MSH3: variants seen among roughly 807,000 people sequenced by gnomAD.
MSH3 encodes the protein DNA mismatch repair protein Msh3.
Under a neutral mutation model 123.3 loss-of-function variants are expected in MSH3, and 106 were observed. The ratio of observed to expected loss-of-function variants is 0.86; its 90% confidence interval spans 0.73 to 1.01. MSH3 has a LOEUF of 1.01. Ranked by LOEUF, MSH3 falls within the 50% of genes least tolerant of loss-of-function variation. The probability of loss-of-function intolerance (pLI) is 0.00; values close to 1 mark genes in which losing one functional copy is unlikely to be tolerated. For missense variants in MSH3, 1,459 were observed against 1,347.6 expected (o/e 1.08, Z -1.29); for synonymous variants, 515 against 481.4 (o/e 1.07, Z -0.91).
intron 17 of MSH3, 101 bp from the exon 18 acceptor site, chr5:80,787,464 T>C: frequency 2.5e-6 from 2 of 799,742 alleles, no homozygotes; most frequent in East Asian, 5.0e-5. Flanking sequence ...TGATCATCTG[T>C]ATGCTTACAC....
chr5:80,699,793 C>T (rs1194596059), intron 8 of MSH3, among the ~76,000 whole-genome samples: 1 of 152,024 alleles, frequency 6.6e-6, no homozygotes, highest in Non-Finnish European at 1.5e-5. Context: ...CCTGACATTT[C>T]CATAGATATT....
At chr5:80,700,815 T>C (rs1750591910) in intron 8 of MSH3, among the ~76,000 whole-genome samples, 1 of 152,164 alleles carries the variant, frequency 6.6e-6, no homozygotes, top group South Asian at 2.1e-4. Flanking sequence ...TTATTGATAG[T>C]CGAATAGGAA....
chr5:80,784,194 A>G (rs1414251834), intron 17 of MSH3, among the ~76,000 whole-genome samples: 1 of 135,008 alleles, frequency 7.4e-6, no homozygotes, highest in Admixed American at 7.9e-5. Flanking sequence ...TCGGCGAAAG[A>G]GCGAGACTAC....
At chr5:80,819,714 T>A (rs1487917140) in intron 20 of MSH3, among the ~76,000 whole-genome samples, 2 of 152,082 alleles carry the variant, frequency 1.3e-5, no homozygotes, top group Non-Finnish European at 2.9e-5. Context: ...TTCAAACTCC[T>A]GACCTCAGGT....
intron 12 of MSH3, among the ~76,000 whole-genome samples, chr5:80,751,500 G>A (rs1236235998): frequency 6.6e-6 from 1 of 152,166 alleles, no homozygotes; most frequent in Non-Finnish European, 1.5e-5. Context: ...ATCCTTCTGA[G>A]GCCTATCAGG....
intron 22 of MSH3, among the ~76,000 whole-genome samples, chr5:80,868,320 T>A (rs563181155): frequency 6.6e-6 from 1 of 151,896 alleles, no homozygotes; most frequent in Non-Finnish European, 1.5e-5. Context: ...CATGCACACG[T>A]ATGTTCATTG....
intron 4 of MSH3, 110 bp downstream of exon 4, chr5:80,670,419 C>A: frequency 3.5e-6 from 4 of 1,132,200 alleles, no homozygotes; most frequent in South Asian, 2.7e-5. Flanking sequence ...TTTGATCAAT[C>A]ACCTTTTAAA....
In MSH3 at chr5:80,654,815, T is replaced by G. The variant is rs1749192322; in HGVS notation, c.88T>G (p.Ser30Ala). 6.2e-7 allele frequency: 1 copy of G among 1,606,230 alleles called. No homozygotes were observed. Residue 30 changes from serine to alanine, a missense_variant, in exon 1 of 24, where the codon TCT becomes GCT. Transcript: ENST00000265081. ...AGCGGTTTTGAGCCGATTCTTCCAG[T>G]CTACGGGAAGCCTGAAATCCACCTC... The part of the protein sequence containing the change: ...RQAVLSRFFQ[S>A]TGSLKSTSSS...
intron 3 of MSH3, among the ~76,000 whole-genome samples, chr5:80,668,210 G>C (rs1287018053): frequency 6.6e-6 from 1 of 152,290 alleles, no homozygotes; most frequent in East Asian, 1.9e-4. Context: ...GGATTTGTAT[G>C]GGCTTGAGAG....
intron 19 of MSH3, among the ~76,000 whole-genome samples, chr5:80,810,138 C>T (rs1744979892): frequency 1.6e-5 from 2 of 128,522 alleles, no homozygotes; most frequent in Admixed American, 1.5e-4. Flanking sequence ...ATTTATTATC[C>T]TTATGCATGG....
chr5:80,729,815 TC>T (rs1743379591), intron 10 of MSH3, among the ~76,000 whole-genome samples: 1 of 152,200 alleles, frequency 6.6e-6, no homozygotes, highest in Non-Finnish European at 1.5e-5. Context: ...CTTTTTATAT[TC>T]CGCCTTCACC....
At chr5:80,824,914 C>A (rs187005520) in intron 20 of MSH3, among the ~76,000 whole-genome samples, 1 of 152,282 alleles carries the variant, frequency 6.6e-6, no homozygotes, top group East Asian at 1.9e-4. Context: ...CTGGGACAGA[C>A]TGCCCTTTAG....
intron 20 of MSH3, among the ~76,000 whole-genome samples, chr5:80,822,648 T>C (rs528421392): frequency 1.1e-4 from 16 of 152,352 alleles, no homozygotes; most frequent in Non-Finnish European, 1.6e-4. Flanking sequence ...GTTGTTCTCA[T>C]TGAAAGAAGT....
chr5:80,846,207 CTT>C (rs1745717499), intron 20 of MSH3, among the ~76,000 whole-genome samples: 1 of 152,172 alleles, frequency 6.6e-6, no homozygotes, highest in African/African-American at 2.4e-5. Flanking sequence ...TCCAGACCCT[CTT>C]TGCCTGGGCA....
chr5:80,714,825 G>A (rs1008005978), intron 8 of MSH3, among the ~76,000 whole-genome samples: 3 of 152,140 alleles, frequency 2.0e-5, no homozygotes, highest in Non-Finnish European at 4.4e-5. Context: ...AAACTTTATT[G>A]CAGACTTCTA....
chr5:80,674,952 C>G (rs978126073), intron 6 of MSH3, 31 bp from the exon 7 acceptor site: 1 of 1,453,206 alleles, frequency 6.9e-7, no homozygotes, highest in African/African-American at 1.4e-5. Flanking sequence ...TAGAATTTAG[C>G]ATATAATTAT....
chr5:80,783,436 CTTT>C (rs147607110), intron 17 of MSH3, among the ~76,000 whole-genome samples: 1,627 of 152,278 alleles, frequency 0.011, 32 homozygotes, highest in African/African-American at 0.037. Context: ...AACAAGCCTT[CTTT>C]AAGAGTTATG....
intron 8 of MSH3, among the ~76,000 whole-genome samples, chr5:80,719,198 C>T (rs763911204): frequency 6.6e-6 from 1 of 152,052 alleles, no homozygotes; most frequent in Non-Finnish European, 1.5e-5. Context: ...CAGGCGCGTG[C>T]CACCACACCC....
At chr5:80,656,825 A>C (rs1749303365) in intron 2 of MSH3, among the ~76,000 whole-genome samples, 1 of 152,198 alleles carries the variant, frequency 6.6e-6, no homozygotes, top group Admixed American at 6.5e-5. Flanking sequence ...CAGAAATTTC[A>C]AACAGTACAG....
Sources: allele counts gnomAD v4.1 joint callset (sites outside exome capture counted in the v4.1 genomes callset), GRCh38; gene constraint gnomAD v4.1.1; transcripts MANE v1.5; gene names NCBI Gene and HGNC (gene_info 2026-07-23, HGNC 2026-07-21).